MYB: variants seen among roughly 807,000 people sequenced by gnomAD.
The protein encoded by MYB is transcriptional activator Myb.
MYB carries 28 observed loss-of-function variants against 92.9 expected under a neutral mutation model. The observed-to-expected ratio is 0.30, with a 90% CI of 0.22 to 0.41. The LOEUF is 0.41. Ranked by LOEUF, MYB falls within the 10% of genes least tolerant of loss-of-function variation. The pLI is 1.00. For synonymous variants in MYB, 295 were observed against 329.1 expected, an observed-to-expected ratio of 0.90 and a Z score of 1.12; for missense variants, 679 against 929.3, an observed-to-expected ratio of 0.73 and a Z score of 3.50.
chr6:135,192,987 T>G (rs1474861811), intron 6 of MYB, among the ~76,000 whole-genome samples: 1 of 152,186 alleles, frequency 6.6e-6, no homozygotes, highest in Non-Finnish European at 1.5e-5. Flanking sequence ...AGGAGAGAGT[T>G]TGACACTGAA....
intron 15 of MYB, among the ~76,000 whole-genome samples, chr6:135,208,314 T>G (rs1779256290): frequency 6.6e-6 from 1 of 151,962 alleles, no homozygotes; most frequent in Non-Finnish European, 1.5e-5. Context: ...CCTGACCTCA[T>G]GATCGGCCCG....
chr6:135,215,391 G>C (rs1055004260), intron 15 of MYB, among the ~76,000 whole-genome samples: 1 of 152,106 alleles, frequency 6.6e-6, no homozygotes, highest in African/African-American at 2.4e-5. Flanking sequence ...GCAGCGTCTG[G>C]TACTCACCAG....
chr6:135,215,440 TCTTACCCAGGTAAC>T lies in MYB; in HGVS notation c.2170-2420_2170-2407del, dbSNP rs367795741. Reference sequence around the variant, plus strand: ...TGGGTGACATTCTTGCTCCATCATTTCTTACCCAGGTAACCTTGAGTATGGCGCCTAAATCCTCT... The same window carrying T: ...TGGGTGACATTCTTGCTCCATCATTTCTTGAGTATGGCGCCTAAATCCTCT... On this transcript the variant is annotated intron_variant, in intron 15 of 15. Coordinates refer to ENST00000341911, the MANE Select transcript of MYB (RefSeq NM_001130173.2). Among the ~76,000 whole-genome samples, 1,289 of 152,272 alleles carry T rather than the reference TCTTACCCAGGTAAC, an allele frequency of 8.5e-3. 18 individuals are homozygous for T. The highest frequency in any genetic ancestry group is 0.029 in the African/African-American group (1,199 of 41,512).
intron 13 of MYB, 56 bp from the exon 14 acceptor site, chr6:135,201,583 G>A: frequency 8.3e-7 from 1 of 1,206,786 alleles, no homozygotes; most frequent in African/African-American, 1.5e-5. Context: ...ACTCCTGACT[G>A]TACATGTTTC....
chr6:135,213,657 G>GGATCA (rs1156245951), intron 15 of MYB, among the ~76,000 whole-genome samples: 1 of 152,172 alleles, frequency 6.6e-6, no homozygotes, highest in Non-Finnish European at 1.5e-5. Context: ...CAAGGCAAGT[G>GGATCA]GATCACTTCA....
intron 2 of MYB, among the ~76,000 whole-genome samples, chr6:135,187,011 A>G (rs754406963): frequency 1.3e-5 from 2 of 152,188 alleles, no homozygotes; most frequent in East Asian, 1.9e-4. Context: ...ATCCACTTGG[A>G]TAATCCTTAT....
At chr6:135,213,675 A>G (rs377600529) in intron 15 of MYB, among the ~76,000 whole-genome samples, 7 of 152,272 alleles carry the variant, frequency 4.6e-5, no homozygotes, top group African/African-American at 1.7e-4. Context: ...TCAGTCCAGG[A>G]GGTTGAGACT....
Position 135,197,153 on chromosome 6 carries a change from G to A in MYB, c.1396G>A (p.Val466Ile). 3 of 1,613,918 alleles carry A rather than the reference G, an allele frequency of 1.9e-6. No individual in the cohort carries two copies. The highest frequency in any genetic ancestry group is 2.5e-6 in the Non-Finnish European group (3 of 1,179,860). ...LSESSLDPPK[V>I]LPPARHSTIP... Reference sequence around the variant, plus strand: ...TGAGAGTTCACTTGACCCACCCAAGGTCTTACCTCCTGCAAGGCACAGCAC... The same window carrying A: ...TGAGAGTTCACTTGACCCACCCAAGATCTTACCTCCTGCAAGGCACAGCAC... The change falls in exon 10 of 16, where the codon GTC (valine) becomes ATC (isoleucine). Residue 466 changes from valine (V) to isoleucine (I), a missense_variant. By Grantham distance (29) the Val-to-Ile change is conservative (BLOSUM62 3). This residue lies in a region of MYB where 402 missense variants were observed against 434.2 expected (regional missense o/e 0.93). Coordinates refer to ENST00000341911, the MANE Select transcript of MYB (RefSeq NM_001130173.2).
intron 5 of MYB, among the ~76,000 whole-genome samples, chr6:135,191,933 G>A (rs1352847774): frequency 1.3e-5 from 2 of 152,190 alleles, no homozygotes. Flanking sequence ...CTCGTGGTGT[G>A]TAGGCCCTGC....
chr6:135,204,101 G>T (rs1441460612), intron 15 of MYB, among the ~76,000 whole-genome samples: 2 of 152,184 alleles, frequency 1.3e-5, no homozygotes, highest in African/African-American at 2.4e-5. Flanking sequence ...AGGAAGTGAA[G>T]AGCCTGGATT....
intron 15 of MYB, among the ~76,000 whole-genome samples, chr6:135,212,314 G>A (rs905110499): frequency 1.6e-5 from 2 of 128,022 alleles, no homozygotes; most frequent in African/African-American, 6.1e-5. Context: ...ATTTGCCAAG[G>A]CTTTTGAAGC....
Position 135,218,392 on chromosome 6 carries a change from A to G in MYB, c.*412A>G, listed in dbSNP as rs912915967. On this transcript the variant is annotated 3_prime_UTR_variant, in exon 16 of 16. Coordinates refer to ENST00000341911, the MANE Select transcript of MYB (RefSeq NM_001130173.2). ...TCTCGATCACTAAACATATGCATAT[A>G]TTTTTAAAAATCAGTAAAAGCATTA... 1 of 222,790 alleles carries G rather than the reference A, an allele frequency of 4.5e-6. No individual in the cohort carries two copies. Among genetic ancestry groups the G allele is most frequent in the African/African-American group, 2.3e-5 (1 of 43,244 alleles). 13.8% of individuals were successfully genotyped at this position (222,790 alleles called of 1,614,324 possible).
In MYB at chr6:135,198,882, T is replaced by C. The variant is rs572447980; in HGVS notation, c.1567-26T>C. ...ATAAAGAATTACCATCTAATCTAAG[T>C]ATTTTTTCTTTCTCTCCATATTTAG... On this transcript the variant is annotated intron_variant, in intron 10 of 15. Transcript: ENST00000341911. The C allele has an allele frequency of 3.7e-5, 57 of 1,556,514 alleles. No individual in the cohort carries two copies. The South Asian group carries it at 6.5e-4, about 18-fold the overall frequency.
intron 5 of MYB, among the ~76,000 whole-genome samples, chr6:135,191,890 A>AT (rs979055035): frequency 3.9e-5 from 6 of 152,204 alleles, no homozygotes; most frequent in African/African-American, 1.4e-4. Flanking sequence ...CATCAGCAGC[A>AT]TCTTATCATC....
rs190986138 is a variant in MYB at position 135,218,970 on chromosome 6, G to A, written c.*990G>A. 18 of 223,994 alleles carry A rather than the reference G, an allele frequency of 8.0e-5. No individual in the cohort carries two copies. The highest frequency in any genetic ancestry group is 7.4e-4 in the South Asian group (4 of 5,434). 13.9% of individuals were successfully genotyped at this position (223,994 alleles called of 1,614,324 possible). On this transcript the variant is annotated 3_prime_UTR_variant, in exon 16 of 16. Transcript: ENST00000341911. ...AATTTGGGAGTTCTGCATTTGATCCGCATCCCCTGTGGTTTCTAAGTGTAT... is the reference window on the plus strand; with the variant it reads ...AATTTGGGAGTTCTGCATTTGATCCACATCCCCTGTGGTTTCTAAGTGTAT...
In MYB at chr6:135,182,164, C is replaced by G. The variant is rs1374651567; in HGVS notation, c.23+628C>G. 6.6e-6 allele frequency among the ~76,000 whole-genome samples: 1 copy of G among 152,228 alleles called. No individual in the cohort carries two copies. The highest frequency in any genetic ancestry group is 2.4e-5 in the African/African-American group (1 of 41,466). ...GTTCGAATCATTTTTCTCTGAAAGG[C>G]TTTTACTTCCACTGCAAACATTGCA... On this transcript the variant is annotated intron_variant, in intron 1 of 15. Coordinates refer to ENST00000341911, the MANE Select transcript of MYB (RefSeq NM_001130173.2). The surrounding 1 kb of genome is among the most constrained non-coding windows in gnomAD (Gnocchi z 5.6).
At position 135,198,900 on chromosome 6, in the gene MYB, A is replaced by G. The variant is rs773911812; in HGVS notation, c.1567-8A>G. ...ATCTAAGTATTTTTTCTTTCTCTCC[A>G]TATTTAGTTCTTAAACACTTCCAGT... On this transcript the variant is annotated splice_region_variant and splice_polypyrimidine_tract_variant and intron_variant, in intron 10 of 15. Coordinates refer to ENST00000341911, the MANE Select transcript of MYB (RefSeq NM_001130173.2). 2.6e-5 allele frequency: 41 copies of G among 1,592,120 alleles called. No individual in the cohort carries two copies. The highest frequency in any genetic ancestry group is 1.4e-5 in the African/African-American group (1 of 73,980).
intron 5 of MYB, among the ~76,000 whole-genome samples, chr6:135,191,776 T>G (rs1002389971): frequency 3.3e-5 from 5 of 152,242 alleles, no homozygotes; most frequent in Admixed American, 6.5e-5. Flanking sequence ...CTCTCGTCTC[T>G]GTCTGATTCA....
In MYB at chr6:135,192,433, A is replaced by G. The variant is rs746123937; in HGVS notation, c.637A>G (p.Ser213Gly). The change falls in exon 6 of 16, where the codon AGC becomes GGC. Residue 213 changes from serine (S) to glycine (G), a missense_variant. Coordinates refer to ENST00000341911, the MANE Select transcript of MYB (RefSeq NM_001130173.2). The stretch of plus-strand genomic sequence containing the variant: ...AGCCAGCCAGCCAGCAGTGGCCACA[A>G]GCTTCCAGAAGAACAGTCATTTGAT... ...SKASQPAVAT[S>G]FQKNSHLMGF... The G allele has an allele frequency of 1.2e-6, 2 of 1,614,160 alleles. No homozygotes were observed. Among genetic ancestry groups the G allele is most frequent in the African/African-American group, 1.3e-5 (1 of 74,956 alleles).
Sources: gnomAD v4.1 joint callset for allele counts (sites outside exome capture counted in the v4.1 genomes callset) on GRCh38, gnomAD v4.1.1 for gene constraint, gnomAD v4.1.1 regional missense constraint, Gnocchi (gnomAD v3.1) non-coding constraint, MANE v1.5 for transcripts, NCBI Gene and HGNC (gene_info 2026-07-23, HGNC 2026-07-21) for gene names.